Variants in CLCN1 observed in about 807,000 individuals in gnomAD.
CLCN1 encodes chloride voltage-gated channel 1, also known as chloride channel protein 1.
A neutral mutation model predicts 114.5 loss-of-function variants in CLCN1; 100 were observed. The ratio of observed to expected loss-of-function variants is 0.87; its 90% CI spans 0.74 to 1.03. The LOEUF is 1.03. Among genes scored for constraint, CLCN1 ranks in the 50% least tolerant of loss-of-function variants. The pLI is 0.00. For synonymous variants in CLCN1, 485 were observed against 487.1 expected (o/e 1.00, Z 0.06); for missense variants, 1,188 against 1,250.0 (o/e 0.95, Z 0.75).
At chr7:143,332,620 G>A (rs536632887) in intron 11 of CLCN1, 104 bp from the exon 12 acceptor site, 3 of 1,540,850 alleles carry the variant, frequency 1.9e-6, no homozygotes, top group Admixed American at 3.3e-5. Flanking sequence ...TGAGAAAAGG[G>A]CAAAAGAGAC....
At chr7:143,332,935 G>A (rs1802770347) in intron 12 of CLCN1, 62 bp downstream of exon 12, 1 of 1,553,224 alleles carries the variant, frequency 6.4e-7, no homozygotes, top group South Asian at 1.1e-5. Flanking sequence ...ATGAACCCAG[G>A]GTTTGCATAG....
In CLCN1 at chr7:143,339,109, A is replaced by T. The variant is rs771715689; in HGVS notation, c.1402-144A>T. ...AGAGCTCTATGGCTTTTGTTTCTGGAAGAAGGGTGACAGACAAAGTGACTT... is the reference window on the plus strand; with the variant it reads ...AGAGCTCTATGGCTTTTGTTTCTGGTAGAAGGGTGACAGACAAAGTGACTT... On this transcript the variant is annotated intron_variant, in intron 12 of 22. Coordinates refer to ENST00000343257, the MANE Select transcript of CLCN1 (RefSeq NM_000083.3). The surrounding 1 kb of genome is among the most constrained non-coding windows in gnomAD (Gnocchi z 4.1). The T allele has an allele frequency of 2.8e-5, 21 of 756,506 alleles. No individual in the cohort carries two copies. Among genetic ancestry groups the T allele is most frequent in the Non-Finnish European group, 5.1e-5 (21 of 409,624 alleles). The allele number at this position is 756,506 out of a possible 1,614,324, so 46.9% of individuals were successfully genotyped here. A position where few individuals can be genotyped will look rare whatever the true frequency, so the allele number is the denominator to read the frequency against.
In CLCN1 at chr7:143,316,114, C is replaced by T. The variant is rs777210634; in HGVS notation, c.-99C>T. 26 of 948,408 alleles carry T rather than the reference C, an allele frequency of 2.7e-5. No homozygotes were observed. Among genetic ancestry groups the T allele is most frequent in the Middle Eastern group, 4.4e-4 (2 of 4,540 alleles). The allele number at this position is 948,408 out of a possible 1,614,324, so 58.7% of individuals were successfully genotyped here. A position where few individuals can be genotyped will look rare whatever the true frequency, so the allele number is the denominator to read the frequency against. ...CTGGAGGTGGGCATGCTGCCCCAGA[C>T]GCCTTGGGGACAGCAAGAGCAGAGG... On this transcript the variant is annotated 5_prime_UTR_variant, in exon 1 of 23. The change creates a new upstream start codon in the 5' untranslated region. Transcript: ENST00000343257.
chr7:143,327,392 C>T (rs16882516), intron 7 of CLCN1, among the ~76,000 whole-genome samples: 55,386 of 151,910 alleles, frequency 0.36, 10,538 homozygotes, highest in East Asian at 0.56. Flanking sequence ...GACCTGACTT[C>T]GGGAAATACT....
rs139065813 is a variant in CLCN1 at position 143,339,073 on chromosome 7, C to A, written c.1402-180C>A. Among the ~76,000 whole-genome samples, 377 of 152,320 alleles carry A rather than the reference C, an allele frequency of 2.5e-3. 3 individuals are homozygous for A. The highest frequency in any genetic ancestry group is 8.8e-3 in the African/African-American group (366 of 41,574). On this transcript the variant is annotated intron_variant, in intron 12 of 22. Transcript: ENST00000343257. The surrounding 1 kb of genome is among the most constrained non-coding windows in gnomAD (Gnocchi z 4.1). ...TTCTGATAGTATTGTCTTTGGTGAT[C>A]TCTTAGCCTGAGAGCTCTATGGCTT...
At position 143,345,573 on chromosome 7, in the gene CLCN1, G is replaced by T; in HGVS notation, c.1983G>T (p.Leu661=). 1 of 1,547,478 alleles carries T rather than the reference G, an allele frequency of 6.5e-7. No homozygotes were observed. The highest frequency in any genetic ancestry group is 8.7e-7 in the Non-Finnish European group (1 of 1,144,608). ...SVERSELQAL[L]QRHLCPERRL... is the part of the protein sequence containing the mutation. ...AGCGGTCGGAACTGCAGGCCCTCCT[G>T]CAGCGCCACCTGTGTCCTGAGCGCA... Residue 661 remains leucine (L), a synonymous_variant, in exon 17 of 23, where the codon CTG becomes CTT. Coordinates refer to ENST00000343257, the MANE Select transcript of CLCN1 (RefSeq NM_000083.3).
chr7:143,317,000 A>G (rs1419242121), intron 1 of CLCN1, among the ~76,000 whole-genome samples: 4 of 152,184 alleles, frequency 2.6e-5, no homozygotes, highest in Non-Finnish European at 5.9e-5. Flanking sequence ...CAGAGATGTG[A>G]TCCCAGCAAC....
chr7:143,328,966 CTTTCTTTTTT>C (rs1480684948), intron 7 of CLCN1, among the ~76,000 whole-genome samples: 2 of 72,004 alleles, frequency 2.8e-5, no homozygotes, highest in African/African-American at 8.9e-5. Context: ...AATTTTCTTT[CTTTCTTTTTT>C]TTTTTTTTCA....
At position 143,339,019 on chromosome 7, in the gene CLCN1, G is replaced by A. The variant is rs1563083039; in HGVS notation, c.1402-234G>A. Among the ~76,000 whole-genome samples the A allele has an allele frequency of 6.6e-6, 1 of 152,136 alleles. No homozygotes were observed. The highest frequency in any genetic ancestry group is 1.5e-5 in the Non-Finnish European group (1 of 68,034). ...GCAAATACAGGCACTCAAAGTAGAA[G>A]GGATTTGGTCTAGCCATCTAGAGGA... is the stretch of plus-strand genomic sequence containing the variant. On this transcript the variant is annotated intron_variant, in intron 12 of 22. Coordinates refer to ENST00000343257, the MANE Select transcript of CLCN1 (RefSeq NM_000083.3). This position sits in a 1 kb window ranked among gnomAD's most constrained non-coding sequence, Gnocchi z 4.1.
intron 9 of CLCN1, 28 bp from the exon 10 acceptor site, chr7:143,331,523 A>T (rs1197385679): frequency 6.6e-7 from 1 of 1,506,202 alleles, no homozygotes; most frequent in South Asian, 1.1e-5. Flanking sequence ...TGTCTGTAAG[A>T]TTCCAACTCT....
In CLCN1 at chr7:143,350,591, T is replaced by C; in HGVS notation, c.2532T>C (p.Leu844=). 1 of 1,614,136 alleles carries C rather than the reference T, an allele frequency of 6.2e-7. No individual in the cohort carries two copies. Among genetic ancestry groups the C allele is most frequent in the South Asian group, 1.1e-5 (1 of 91,078 alleles). Residue 844 remains leucine, a synonymous_variant, in exon 22 of 23, where the codon CTT becomes CTC. Transcript: ENST00000343257. This position sits in a 1 kb window ranked among gnomAD's most constrained non-coding sequence, Gnocchi z 5.1. Reference sequence around the variant, plus strand: ...AGACTCATACCCTGTTTTCACTCCTTGGCCTCCACCTCGCTTACGTGACCA... The same window carrying C: ...AGACTCATACCCTGTTTTCACTCCTCGGCCTCCACCTCGCTTACGTGACCA... ...LHKTHTLFSL[L]GLHLAYVTSM...
At chr7:143,346,821 C>T (rs1020109918) in intron 19 of CLCN1, 90 bp from the exon 20 acceptor site, 1 of 1,343,590 alleles carries the variant, frequency 7.4e-7, no homozygotes, top group Non-Finnish European at 1.1e-6. Context: ...GTGGTCCTGG[C>T]CAGGGAGGGA....
chr7:143,331,258 A>G lies in CLCN1; in HGVS notation c.1006A>G (p.Asn336Asp), dbSNP rs2116852905. ...CACCATCACTGCTCTGTTCAGAACC[A>G]ATTTCCGAATGGATTTCCCCTTTGA... ...AVTITALFRT[N>D]FRMDFPFDLK... is the part of the protein sequence containing the mutation. The change falls in exon 9 of 23, where the codon AAT (asparagine) becomes GAT (aspartate). Residue 336 changes from asparagine (N) to aspartate (D), a missense_variant. Physicochemically the swap from Asn to Asp is conservative, Grantham distance 23 (BLOSUM62 1). Coordinates refer to ENST00000343257, the MANE Select transcript of CLCN1 (RefSeq NM_000083.3). 1 of 1,613,674 alleles carries G rather than the reference A, an allele frequency of 6.2e-7. No individual in the cohort carries two copies. The highest frequency in any genetic ancestry group is 8.5e-7 in the Non-Finnish European group (1 of 1,179,600).
chr7:143,319,916 A>G lies in CLCN1; in HGVS notation c.301+41A>G, dbSNP rs1047548125. 5.6e-6 allele frequency: 9 copies of G among 1,608,648 alleles called. No homozygotes were observed. The African/African-American group carries it at 8.0e-5, about 14-fold the overall frequency. ...GAATAAAGAAATCTGGAGTAGAAACAGGTACAGGGATTAGGAGAATAACTT... is the reference window on the plus strand; with the variant it reads ...GAATAAAGAAATCTGGAGTAGAAACGGGTACAGGGATTAGGAGAATAACTT... On this transcript the variant is annotated intron_variant, in intron 2 of 22. Coordinates refer to ENST00000343257, the MANE Select transcript of CLCN1 (RefSeq NM_000083.3).
Position 143,320,764 on chromosome 7 carries a change from C to G in CLCN1, c.402C>G (p.Ser134Arg). The change falls in exon 3 of 23, where the codon AGC (serine) becomes AGG (arginine). Residue 134 changes from serine (S) to arginine (R), a missense_variant. Transcript: ENST00000343257. ...TGCTGATGGCTCTGGTCAGCTGGAG[C>G]ATGGACTACGTCAGTGCCAAAAGCC... is the stretch of plus-strand genomic sequence containing the variant. ...LGLLMALVSWSMDYVSAKSLQ... is the reference protein window; with the variant it reads ...LGLLMALVSWRMDYVSAKSLQ... 6.2e-7 allele frequency: 1 copy of G among 1,613,842 alleles called. No homozygotes were observed. The highest frequency in any genetic ancestry group is 8.5e-7 in the Non-Finnish European group (1 of 1,179,838).
intron 14 of CLCN1, among the ~76,000 whole-genome samples, chr7:143,341,508 G>A (rs191763992): frequency 9.7e-4 from 147 of 151,858 alleles, no homozygotes; most frequent in Non-Finnish European, 1.7e-3. Context: ...CCCATGAACC[G>A]AGATTGTACC....
Position 143,345,545 on chromosome 7 carries a change from T to C in CLCN1, c.1955T>C (p.Val652Ala), listed in dbSNP as rs1803209631. The change falls in exon 17 of 23, where the codon GTG becomes GCG. Residue 652 changes from valine (V) to alanine (A), a missense_variant. Coordinates refer to ENST00000343257, the MANE Select transcript of CLCN1 (RefSeq NM_000083.3). ...GATTCAATGATCCTGCTGGGCTCGG[T>C]GGAGCGGTCGGAACTGCAGGCCCTC... is the stretch of plus-strand genomic sequence containing the variant. ...SKDSMILLGSVERSELQALLQ... is the reference protein window; with the variant it reads ...SKDSMILLGSAERSELQALLQ... 4 of 1,540,180 alleles carry C rather than the reference T, an allele frequency of 2.6e-6. No individual in the cohort carries two copies. The Admixed American group carries it at 5.9e-5, about 23-fold the overall frequency.
chr7:143,332,989 A>G, intron 12 of CLCN1, 116 bp downstream of exon 12: 1 of 1,187,696 alleles, frequency 8.4e-7, no homozygotes, highest in Non-Finnish European at 1.3e-6. Flanking sequence ...TCCAACCTAA[A>G]AATAAGTCAT....
chr7:143,323,408 G>T (rs775998987), intron 6 of CLCN1, 22 bp downstream of exon 6: 3 of 1,554,182 alleles, frequency 1.9e-6, no homozygotes, highest in Non-Finnish European at 2.7e-6. Context: ...ACAGTGAAAT[G>T]AGCTGGGGCC....
Sources: gnomAD v4.1 joint callset for allele counts (sites outside exome capture counted in the v4.1 genomes callset) on GRCh38, gnomAD v4.1.1 for gene constraint, Gnocchi (gnomAD v3.1) non-coding constraint, MANE v1.5 for transcripts, NCBI Gene and HGNC (gene_info 2026-07-23, HGNC 2026-07-21) for gene names.